The following DNAH11 variants were observed in gnomAD, a reference collection of about 807,000 sequenced individuals.
The protein encoded by DNAH11 is dynein axonemal heavy chain 11.
DNAH11 carries 442 observed loss-of-function variants against 526.0 expected under a neutral mutation model. That is an observed-to-expected ratio of 0.84 (90% CI 0.78 to 0.91). DNAH11 has a LOEUF of 0.91. Among genes scored for constraint, DNAH11 ranks in the 40% least tolerant of loss-of-function variants. DNAH11 has a pLI of 0.00. For synonymous variants in DNAH11, 2,461 were observed against 1,935.9 expected (o/e 1.27, Z -7.12); for missense variants, 6,989 against 5,448.7 (o/e 1.28, Z -8.90).
chr7:21,713,310 C>T (rs1046061528), intron 42 of DNAH11, among the ~76,000 whole-genome samples: 4 of 152,144 alleles, frequency 2.6e-5, no homozygotes, highest in Non-Finnish European at 4.4e-5. Context: ...TTAGTGGGCT[C>T]CTTGCCTTCC....
chr7:21,761,128 A>G (rs924805244), intron 54 of DNAH11, among the ~76,000 whole-genome samples: 2 of 152,224 alleles, frequency 1.3e-5, no homozygotes, highest in East Asian at 1.9e-4. Context: ...AGAATAACCA[A>G]CGGTTTCCAG....
chr7:21,894,190 CTGGTTTGTG>C (rs1784426354), intron 77 of DNAH11, among the ~76,000 whole-genome samples: 1 of 152,062 alleles, frequency 6.6e-6, no homozygotes, highest in African/African-American at 2.4e-5. Flanking sequence ...TGCCCAGCCC[CTGGTTTGTG>C]TGGCTTTTAA....
At chr7:21,716,226 CTT>C (rs1315463371) in intron 42 of DNAH11, among the ~76,000 whole-genome samples, 10 of 152,222 alleles carry the variant, frequency 6.6e-5, no homozygotes, top group Non-Finnish European at 1.2e-4. Flanking sequence ...GATGCCAACT[CTT>C]GTGCCCAATA....
At chr7:21,548,311 C>G (rs1480716329) in intron 2 of DNAH11, among the ~76,000 whole-genome samples, 1 of 152,104 alleles carries the variant, frequency 6.6e-6, no homozygotes, top group East Asian at 1.9e-4. Flanking sequence ...AACTGGCTAG[C>G]CACCCCTTTG....
chr7:21,882,209 C>A (rs907962776), intron 75 of DNAH11, among the ~76,000 whole-genome samples: 1 of 152,156 alleles, frequency 6.6e-6, no homozygotes, highest in Admixed American at 6.5e-5. Flanking sequence ...AGTGGACACA[C>A]GTGTTTCTCT....
At chr7:21,857,238 C>A (rs1341900448) in intron 68 of DNAH11, among the ~76,000 whole-genome samples, 1 of 152,062 alleles carries the variant, frequency 6.6e-6, no homozygotes, top group Non-Finnish European at 1.5e-5. Context: ...AGCCGTGAAG[C>A]TTTTTAGGAA....
chr7:21,727,767 T>C (rs887242686), intron 45 of DNAH11, among the ~76,000 whole-genome samples: 1 of 152,216 alleles, frequency 6.6e-6, no homozygotes, highest in Non-Finnish European at 1.5e-5. Flanking sequence ...ATTCATTTCC[T>C]GGAGCTGCCA....
chr7:21,811,598 G>A (rs1033790156), intron 63 of DNAH11, among the ~76,000 whole-genome samples: 1 of 152,112 alleles, frequency 6.6e-6, no homozygotes, highest in African/African-American at 2.4e-5. Context: ...TGTTTAATAG[G>A]TATGTTTCAG....
At chr7:21,893,996 T>A (rs1434005668) in intron 77 of DNAH11, among the ~76,000 whole-genome samples, 1 of 152,194 alleles carries the variant, frequency 6.6e-6, no homozygotes, top group Admixed American at 6.5e-5. Context: ...TCAAGCGATT[T>A]TCGTGCCTCA....
At chr7:21,681,332 C>G (rs1173416939) in intron 30 of DNAH11, among the ~76,000 whole-genome samples, 2 of 151,846 alleles carry the variant, frequency 1.3e-5, no homozygotes, top group Non-Finnish European at 2.9e-5. Flanking sequence ...GAGGCTGAGG[C>G]AGGAGAATTG....
intron 65 of DNAH11, among the ~76,000 whole-genome samples, chr7:21,839,348 G>C (rs1782115753): frequency 6.6e-6 from 1 of 152,092 alleles, no homozygotes; most frequent in Admixed American, 6.6e-5. Flanking sequence ...GCTGAGGGGG[G>C]CAAATCACGA....
At chr7:21,548,483 C>T (rs979936620) in intron 2 of DNAH11, among the ~76,000 whole-genome samples, 1 of 152,162 alleles carries the variant, frequency 6.6e-6, no homozygotes, top group Non-Finnish European at 1.5e-5. Context: ...CCTAGGGACA[C>T]CTACGGAGTT....
intron 30 of DNAH11, among the ~76,000 whole-genome samples, chr7:21,662,990 G>C (rs1283278593): frequency 6.6e-6 from 1 of 151,944 alleles, no homozygotes; most frequent in African/African-American, 2.4e-5. Context: ...ACCCCCTAAT[G>C]ATTCCCAGTC....
At chr7:21,720,019 G>A (rs1784815076) in intron 43 of DNAH11, among the ~76,000 whole-genome samples, 1 of 152,206 alleles carries the variant, frequency 6.6e-6, no homozygotes, top group Admixed American at 6.5e-5. Flanking sequence ...CCCTAAGCAT[G>A]GGCTAGGTAC....
At chr7:21,825,257 G>T (rs899666933) in intron 65 of DNAH11, among the ~76,000 whole-genome samples, 1 of 152,118 alleles carries the variant, frequency 6.6e-6, no homozygotes, top group Admixed American at 6.6e-5. Flanking sequence ...ATTTTTAGAT[G>T]TTTTGCTATT....
intron 65 of DNAH11, among the ~76,000 whole-genome samples, chr7:21,822,426 A>G (rs1415887066): frequency 6.6e-6 from 1 of 152,168 alleles, no homozygotes; most frequent in Non-Finnish European, 1.5e-5. Context: ...ATCTGCCCCC[A>G]TGACCCAAAC....
intron 9 of DNAH11, among the ~76,000 whole-genome samples, chr7:21,584,537 C>T (rs528523888): frequency 4.9e-4 from 75 of 152,158 alleles, no homozygotes; most frequent in African/African-American, 1.6e-3. Flanking sequence ...TGTAACAAAC[C>T]TGCACATTGT....
chr7:21,845,464 C>T (rs1415811472), intron 66 of DNAH11, among the ~76,000 whole-genome samples: 2 of 152,034 alleles, frequency 1.3e-5, no homozygotes, highest in Non-Finnish European at 2.9e-5. Flanking sequence ...GTTGAAAAGA[C>T]TATATTTTCT....
chr7:21,576,614 G>A (rs1050466619), intron 8 of DNAH11, among the ~76,000 whole-genome samples: 1 of 152,162 alleles, frequency 6.6e-6, no homozygotes, highest in South Asian at 2.1e-4. Context: ...TTGCTTCTCA[G>A]AATATTTTAG....
Sources: gnomAD v4.1 joint callset for allele counts (sites outside exome capture counted in the v4.1 genomes callset) on GRCh38, gnomAD v4.1.1 for gene constraint, MANE v1.5 for transcripts, NCBI Gene and HGNC (gene_info 2026-07-23, HGNC 2026-07-21) for gene names.